The following ADGRL3 variants were observed in gnomAD, a reference collection of about 807,000 sequenced individuals.
ADGRL3 encodes adhesion G protein-coupled receptor L3.
A neutral mutation model predicts 153.5 loss-of-function variants in ADGRL3; 62 were observed. The observed-to-expected ratio is 0.40, with a 90% CI of 0.33 to 0.50. ADGRL3 has a LOEUF of 0.50. Among genes scored for constraint, ADGRL3 ranks in the 20% least tolerant of loss-of-function variants. ADGRL3 has a pLI of 0.47. For synonymous variants in ADGRL3, 710 were observed against 672.5 expected (o/e 1.06, Z -0.86); for missense variants, 1,641 against 1,859.4 (o/e 0.88, Z 2.16).
chr4:61,800,069 C>T (rs926042249), intron 8 of ADGRL3, among the ~76,000 whole-genome samples: 2 of 152,114 alleles, frequency 1.3e-5, no homozygotes, highest in Admixed American at 6.6e-5. Flanking sequence ...ACCATTGAAC[C>T]TCTTGTGTAC....
chr4:61,984,562 A>G (rs941609750), intron 19 of ADGRL3, among the ~76,000 whole-genome samples: 2 of 152,168 alleles, frequency 1.3e-5, no homozygotes, highest in Non-Finnish European at 2.9e-5. Flanking sequence ...GTGAGAACTC[A>G]TCTCTAAGAA....
At chr4:62,050,397 C>G (rs1733461950) in intron 25 of ADGRL3, among the ~76,000 whole-genome samples, 1 of 152,006 alleles carries the variant, frequency 6.6e-6, no homozygotes, top group Non-Finnish European at 1.5e-5. Context: ...TATTCCAATT[C>G]AGACAGCTCT....
chr4:61,898,339 A>C (rs554398651), intron 11 of ADGRL3, among the ~76,000 whole-genome samples: 75 of 152,180 alleles, frequency 4.9e-4, no homozygotes, highest in African/African-American at 1.7e-3. Flanking sequence ...ATGGCTCATC[A>C]TCTAGAGCCA....
chr4:61,460,322 G>C (rs1204459464), intron 2 of ADGRL3, among the ~76,000 whole-genome samples: 1 of 151,982 alleles, frequency 6.6e-6, no homozygotes, highest in Admixed American at 6.6e-5. Flanking sequence ...TATTGAAGAG[G>C]GTGTCCTTTC....
At chr4:61,662,543 G>A (rs546330295) in intron 5 of ADGRL3, among the ~76,000 whole-genome samples, 1 of 152,346 alleles carries the variant, frequency 6.6e-6, no homozygotes, top group African/African-American at 2.4e-5. Context: ...GAGGCCAAAG[G>A]TGGGGGCTGA....
chr4:61,508,213 A>G (rs1327591204), intron 3 of ADGRL3, among the ~76,000 whole-genome samples: 3 of 152,180 alleles, frequency 2.0e-5, no homozygotes, highest in African/African-American at 4.8e-5. Context: ...TTTACATCAC[A>G]GTATTACAAT....
At chr4:61,646,233 TCCTCCC>T (rs2093976824) in intron 5 of ADGRL3, among the ~76,000 whole-genome samples, 1 of 152,168 alleles carries the variant, frequency 6.6e-6, no homozygotes, top group Non-Finnish European at 1.5e-5. Context: ...GGTTTGAATG[TCCTCCC>T]CTAGCTCGGA....
intron 5 of ADGRL3, among the ~76,000 whole-genome samples, chr4:61,639,008 C>T (rs1403509921): frequency 6.6e-6 from 1 of 151,724 alleles, no homozygotes; most frequent in Non-Finnish European, 1.5e-5. Flanking sequence ...TTATGCTGAC[C>T]ACATTTCCTA....
At chr4:61,860,501 A>C (rs535300347) in intron 9 of ADGRL3, among the ~76,000 whole-genome samples, 1 of 151,924 alleles carries the variant, frequency 6.6e-6, no homozygotes, top group African/African-American at 2.4e-5. Flanking sequence ...TAATCCTTTT[A>C]TCTCTCTGGA....
chr4:61,812,615 A>G (rs2097643737), intron 8 of ADGRL3, among the ~76,000 whole-genome samples: 1 of 152,246 alleles, frequency 6.6e-6, no homozygotes, highest in Admixed American at 6.5e-5. Context: ...CTGTATATAA[A>G]GTACCTTTAG....
At chr4:61,560,023 G>T (rs1408018379) in intron 4 of ADGRL3, among the ~76,000 whole-genome samples, 2 of 151,970 alleles carry the variant, frequency 1.3e-5, no homozygotes, top group Non-Finnish European at 1.5e-5. Context: ...AATCCTTCAA[G>T]ATTAAGCTTC....
rs3035668 is a variant in ADGRL3 at position 61,291,231 on chromosome 4, C to CACACAT, written c.-240+89466_-240+89467insACACAT. ...ACACACACACACGCACACACACACA[C>CACACAT]CCCTCTGTGTCCATGGATTCCACAT... On this transcript the variant is annotated intron_variant, in intron 1 of 26. Transcript: ENST00000683033. Among the ~76,000 whole-genome samples, 6 of 149,164 alleles carry CACACAT rather than the reference C, an allele frequency of 4.0e-5. No homozygotes were observed. The East Asian group carries it at 9.9e-4, about 25-fold the overall frequency.
intron 1 of ADGRL3, among the ~76,000 whole-genome samples, chr4:61,290,161 G>A (rs1372936817): frequency 6.6e-6 from 1 of 151,958 alleles, no homozygotes; most frequent in Admixed American, 6.6e-5. Context: ...CTCCATAATT[G>A]TATCTGGATC....
chr4:61,811,361 AAAAG>A (rs1249989859), intron 8 of ADGRL3, among the ~76,000 whole-genome samples: 3 of 152,028 alleles, frequency 2.0e-5, no homozygotes, highest in Admixed American at 6.6e-5. Context: ...TATGTTGAGT[AAAAG>A]AAGCTGATCA....
chr4:61,537,831 T>C (rs1424782989), intron 4 of ADGRL3, among the ~76,000 whole-genome samples: 1 of 152,226 alleles, frequency 6.6e-6, no homozygotes, highest in Non-Finnish European at 1.5e-5. Flanking sequence ...GCTTGTTTCC[T>C]CTATCCTTAT....
At chr4:61,337,050 AT>A (rs2095692424) in intron 1 of ADGRL3, among the ~76,000 whole-genome samples, 1 of 95,958 alleles carries the variant, frequency 1.0e-5, no homozygotes, top group Admixed American at 1.1e-4. Context: ...GTGTGGATGA[AT>A]TGCCCTTTGT....
chr4:61,851,845 C>A (rs1453165435), intron 9 of ADGRL3, among the ~76,000 whole-genome samples: 1 of 152,130 alleles, frequency 6.6e-6, no homozygotes, highest in Non-Finnish European at 1.5e-5. Context: ...AATGTGTTGA[C>A]TTTTAAAAAT....
At chr4:61,966,104 G>A (rs989311099) in intron 17 of ADGRL3, among the ~76,000 whole-genome samples, 5 of 151,962 alleles carry the variant, frequency 3.3e-5, no homozygotes, top group African/African-American at 9.7e-5. Flanking sequence ...CTTTTTTTCT[G>A]AAATTGCTAT....
chr4:61,470,066 G>A (rs1225604184), intron 2 of ADGRL3, among the ~76,000 whole-genome samples: 1 of 151,860 alleles, frequency 6.6e-6, no homozygotes, highest in East Asian at 1.9e-4. Flanking sequence ...CATATCCCTT[G>A]TAACTTTTTA....
Sources: allele counts gnomAD v4.1 joint callset (sites outside exome capture counted in the v4.1 genomes callset), GRCh38; gene constraint gnomAD v4.1.1; transcripts MANE v1.5; gene names NCBI Gene and HGNC (gene_info 2026-07-23, HGNC 2026-07-21).